The following IQCH variants were observed in gnomAD, a reference collection of about 807,000 sequenced individuals.
The protein encoded by IQCH is IQ domain-containing protein H.
Under a neutral mutation model 117.0 loss-of-function variants are expected in IQCH, and 98 were observed. That is an observed-to-expected ratio of 0.84 (90% CI 0.71 to 0.99). The LOEUF (loss-of-function observed/expected upper bound fraction) is 0.99. Ranked by LOEUF, IQCH falls within the 50% of genes least tolerant of loss-of-function variation. IQCH has a pLI of 0.00. For missense variants in IQCH, 1,102 were observed against 1,243.8 expected (o/e 0.89, Z 1.72); for synonymous variants, 412 against 448.2 (o/e 0.92, Z 1.02).
intron 4 of IQCH, among the ~76,000 whole-genome samples, chr15:67,300,319 T>C (rs1966961299): frequency 6.6e-6 from 1 of 152,136 alleles, no homozygotes; most frequent in Middle Eastern, 3.2e-3. Context: ...TAGTACTTTA[T>C]AATTTACAAG....
chr15:67,367,400 G>A (rs150134693), intron 8 of IQCH, among the ~76,000 whole-genome samples: 2,184 of 152,112 alleles, frequency 0.014, 18 homozygotes, highest in Non-Finnish European at 0.025. Context: ...TTAGATGGGC[G>A]TCATGACATG....
Position 67,490,177 on chromosome 15 carries a change from CTATCTT to C in IQCH, c.2861+117_2861+122del. 1.3e-6 allele frequency: 1 copy of C among 788,868 alleles called. No individual in the cohort carries two copies. The highest frequency in any genetic ancestry group is 2.2e-6 in the Non-Finnish European group (1 of 462,570). The allele number at this position is 788,868 out of a possible 1,614,324, so 48.9% of individuals were successfully genotyped here. Reference sequence around the variant, plus strand: ...ATCAGCATGCTGATTTATTAGAAGTCTATCTTTATTTAGATCTTCAGGTATTTTATT... The same window carrying C: ...ATCAGCATGCTGATTTATTAGAAGTCTATTTAGATCTTCAGGTATTTTATT... On this transcript the variant is annotated intron_variant, in intron 19 of 20. Coordinates refer to ENST00000335894, the MANE Select transcript of IQCH (RefSeq NM_001031715.3). The surrounding 1 kb of genome is among the most constrained non-coding windows in gnomAD (Gnocchi z 4.9).
rs2082571181 is a variant in IQCH, at chr15:67,453,040, G to GTCACGTAGCTC, written c.2506-12084_2506-12074dup. On this transcript the variant is annotated intron_variant, in intron 16 of 20. Transcript: ENST00000335894. This position sits in a 1 kb window ranked among gnomAD's most constrained non-coding sequence, Gnocchi z 5.8. The stretch of plus-strand genomic sequence containing the variant: ...GTCGGCTAATAAGGCTTCTGCATTC[G>GTCACGTAGCTC]TCACGTAGCTCTCGTGCCTTGGTTT... Among the ~76,000 whole-genome samples the GTCACGTAGCTC allele has an allele frequency of 6.6e-6, 1 of 151,958 alleles. No homozygotes were observed. The highest frequency in any genetic ancestry group is 2.4e-5 in the African/African-American group (1 of 41,338).
rs2083280116 is a variant in IQCH, at chr15:67,479,022, A to G, written c.2799+3204A>G. Among the ~76,000 whole-genome samples the G allele has an allele frequency of 2.0e-5, 3 of 152,164 alleles. No individual in the cohort carries two copies. The highest frequency in any genetic ancestry group is 4.1e-4 in the South Asian group (2 of 4,828). Reference sequence around the variant, plus strand: ...TGAGTCACAAAAATTCTCCAGCAGTATCCTTGCTTTATTTTTCCTGAGATG... The same window carrying G: ...TGAGTCACAAAAATTCTCCAGCAGTGTCCTTGCTTTATTTTTCCTGAGATG... On this transcript the variant is annotated intron_variant, in intron 18 of 20. Transcript: ENST00000335894. This position sits in a 1 kb window ranked among gnomAD's most constrained non-coding sequence, Gnocchi z 4.6.
At chr15:67,333,949 C>G (rs1968780530) in intron 4 of IQCH, among the ~76,000 whole-genome samples, 1 of 151,870 alleles carries the variant, frequency 6.6e-6, no homozygotes. Context: ...TCCCAGCTAC[C>G]TGGGAGGCTG....
Position 67,481,598 on chromosome 15 carries a change from A to G in IQCH, c.2799+5780A>G, listed in dbSNP as rs2083339967. 6.6e-6 allele frequency among the ~76,000 whole-genome samples: 1 copy of G among 152,224 alleles called. No homozygotes were observed. Among genetic ancestry groups the G allele is most frequent in the Admixed American group, 6.5e-5 (1 of 15,290 alleles). Reference sequence around the variant, plus strand: ...GCATTCAGAGAGACTCTCTCAGGAAAAAGAGAACAGAACAAAAGGGTAAAA... The same window carrying G: ...GCATTCAGAGAGACTCTCTCAGGAAGAAGAGAACAGAACAAAAGGGTAAAA... On this transcript the variant is annotated intron_variant, in intron 18 of 20. Transcript: ENST00000335894. This position sits in a 1 kb window ranked among gnomAD's most constrained non-coding sequence, Gnocchi z 4.1.
At chr15:67,429,128 C>T (rs2081962705) in intron 16 of IQCH, among the ~76,000 whole-genome samples, 1 of 152,146 alleles carries the variant, frequency 6.6e-6, no homozygotes, top group Non-Finnish European at 1.5e-5. Context: ...TGTTTTAAGC[C>T]AGGAAGTTTG....
chr15:67,418,283 AG>A (rs2140911022), intron 15 of IQCH, among the ~76,000 whole-genome samples: 1 of 152,282 alleles, frequency 6.6e-6, no homozygotes, highest in South Asian at 2.1e-4. Flanking sequence ...CTGGCTGGGC[AG>A]GGTGTATTGG....
chr15:67,421,120 C>A (rs2081727554), intron 15 of IQCH, 171 bp from the exon 16 acceptor site: 1 of 613,646 alleles, frequency 1.6e-6, no homozygotes, highest in African/African-American at 1.8e-5. Context: ...AGATGCACAA[C>A]AATCTAATGA....
chr15:67,317,744 A>G (rs1055313725), intron 4 of IQCH, among the ~76,000 whole-genome samples: 3 of 152,186 alleles, frequency 2.0e-5, no homozygotes, highest in Non-Finnish European at 4.4e-5. Flanking sequence ...TACTCAATAA[A>G]TGATTAATTT....
chr15:67,266,506 A>T (rs1295232992), intron 3 of IQCH, among the ~76,000 whole-genome samples: 1 of 152,096 alleles, frequency 6.6e-6, no homozygotes, highest in Non-Finnish European at 1.5e-5. Flanking sequence ...ATACAAAAAA[A>T]ATTAGCCAGG....
Position 67,366,133 on chromosome 15 carries a change from G to T in IQCH, c.754-5978G>T, listed in dbSNP as rs185381403. On this transcript the variant is annotated intron_variant, in intron 8 of 20. Coordinates refer to ENST00000335894, the MANE Select transcript of IQCH (RefSeq NM_001031715.3). The surrounding 1 kb of genome is among the most constrained non-coding windows in gnomAD (Gnocchi z 4.4). The stretch of plus-strand genomic sequence containing the variant: ...TTGCTCTTTTTCCCATACGTGTAGA[G>T]AAAATTATGATGTGTCTTTGCTCAG... Among the ~76,000 whole-genome samples the T allele has an allele frequency of 1.2e-3, 184 of 152,186 alleles. 1 individual carries two copies. The highest frequency in any genetic ancestry group is 4.2e-3 in the African/African-American group (176 of 41,514).
chr15:67,265,569 A>G lies in IQCH; in HGVS notation c.269+2353A>G, dbSNP rs145253742. ...AGATGGGACAAGGTTAAACGAAAAA[A>G]CTGGAGAAAAATCCAAACTGGGTCT... On this transcript the variant is annotated intron_variant, in intron 3 of 20. Coordinates refer to ENST00000335894, the MANE Select transcript of IQCH (RefSeq NM_001031715.3). 6.4e-4 allele frequency among the ~76,000 whole-genome samples: 97 copies of G among 152,296 alleles called. 1 individual carries two copies. The highest frequency in any genetic ancestry group is 4.3e-3 in the Admixed American group (66 of 15,306).
rs577637762 is a variant in IQCH at position 67,408,933 on chromosome 15, CTT to C, written c.2098-7997_2098-7996del. Among the ~76,000 whole-genome samples, 469 of 152,256 alleles carry C rather than the reference CTT, an allele frequency of 3.1e-3. 1 individual carries two copies. The highest frequency in any genetic ancestry group is 5.5e-3 in the Non-Finnish European group (377 of 68,026). On this transcript the variant is annotated intron_variant, in intron 14 of 20. Coordinates refer to ENST00000335894, the MANE Select transcript of IQCH (RefSeq NM_001031715.3). The surrounding 1 kb of genome is among the most constrained non-coding windows in gnomAD (Gnocchi z 4.2). ...TCATATGTATTTACTTGATATCACT[CTT>C]ATATTTTAATATAATTTCCTTAAAA...
Position 67,337,010 on chromosome 15 carries a change from A to G in IQCH, c.423A>G (p.Ile141Met). 6.2e-7 allele frequency: 1 copy of G among 1,613,810 alleles called. No individual in the cohort carries two copies. Among genetic ancestry groups the G allele is most frequent in the Non-Finnish European group, 8.5e-7 (1 of 1,179,818 alleles). ...KVSKLIKGSN[I>M]SSLTVLPSSH... ...CGAAGTTAATCAAAGGGTCTAACAT[A>G]TCCAGCCTCACGGTTCTGCCATCTT... is the stretch of plus-strand genomic sequence containing the variant. The change falls in exon 5 of 21, where the codon ATA (isoleucine) becomes ATG (methionine). Residue 141 changes from isoleucine to methionine, a missense_variant. Physicochemically the swap from Ile to Met is conservative, Grantham distance 10 (BLOSUM62 1). Coordinates refer to ENST00000335894, the MANE Select transcript of IQCH (RefSeq NM_001031715.3).
At chr15:67,357,902 C>T (rs1969961665) in intron 7 of IQCH, among the ~76,000 whole-genome samples, 1 of 151,972 alleles carries the variant, frequency 6.6e-6, no homozygotes, top group Admixed American at 6.6e-5. Context: ...CTCTGTTGCC[C>T]AGGCTGGAGT....
chr15:67,434,918 A>G (rs1198378522), intron 16 of IQCH, among the ~76,000 whole-genome samples: 2 of 150,530 alleles, frequency 1.3e-5, no homozygotes, highest in African/African-American at 4.9e-5. Context: ...TGGGACTACA[A>G]GCGCGTCACC....
chr15:67,392,410 A>G (rs910917305), intron 12 of IQCH, among the ~76,000 whole-genome samples: 6 of 152,218 alleles, frequency 3.9e-5, no homozygotes, highest in Admixed American at 1.3e-4. Context: ...CAAACCTGCC[A>G]GGTGTTATCA....
Position 67,476,365 on chromosome 15 carries a change from G to A in IQCH, c.2799+547G>A, listed in dbSNP as rs2083201595. Among the ~76,000 whole-genome samples the A allele has an allele frequency of 6.6e-6, 1 of 152,230 alleles. No homozygotes were observed. The highest frequency in any genetic ancestry group is 1.5e-5 in the Non-Finnish European group (1 of 68,040). On this transcript the variant is annotated intron_variant, in intron 18 of 20. Transcript: ENST00000335894. The surrounding 1 kb of genome is among the most constrained non-coding windows in gnomAD (Gnocchi z 4.1). Reference sequence around the variant, plus strand: ...CGGTGTCCTCACATATGGAAGGAGAGAGAGAGAGATCTCTGTTGTCTCTTT... The same window carrying A: ...CGGTGTCCTCACATATGGAAGGAGAAAGAGAGAGATCTCTGTTGTCTCTTT...
Sources: gnomAD v4.1 joint callset for allele counts (sites outside exome capture counted in the v4.1 genomes callset) on GRCh38, gnomAD v4.1.1 for gene constraint, Gnocchi (gnomAD v3.1) non-coding constraint, MANE v1.5 for transcripts, NCBI Gene and HGNC (gene_info 2026-07-23, HGNC 2026-07-21) for gene names.